Variants in MAX observed in about 807,000 individuals in gnomAD.
MAX encodes protein max.
A neutral mutation model predicts 22.3 loss-of-function variants in MAX; 3 were observed. That is an observed-to-expected ratio of 0.13 (90% CI 0.06 to 0.35). The LOEUF is 0.35. Ranked by LOEUF, MAX falls within the 10% of genes least tolerant of loss-of-function variation. The pLI, the probability that MAX is intolerant of heterozygous loss-of-function variation, is 1.00. For missense variants in MAX, 119 were observed against 209.4 expected, an observed-to-expected ratio of 0.57 and a Z score of 2.66; for synonymous variants, 72 against 77.7, an observed-to-expected ratio of 0.93 and a Z score of 0.39.
chr14:65,014,978 TAGC>T lies in MAX; in HGVS notation c.172-8697_172-8695del, dbSNP rs1470648305. Among the ~76,000 whole-genome samples the T allele has an allele frequency of 1.3e-5, 2 of 152,162 alleles. No individual in the cohort carries two copies. Among genetic ancestry groups the T allele is most frequent in the South Asian group, 2.1e-4 (1 of 4,812 alleles). ...TCTCCTTGGTTCTATACCGAGAAAATAGCAGCCCCTAACCTCCTGGCCTGTAGG... is the reference window on the plus strand; with the variant it reads ...TCTCCTTGGTTCTATACCGAGAAAATAGCCCCTAACCTCCTGGCCTGTAGG... On this transcript the variant is annotated intron_variant, in intron 3 of 3. Coordinates refer to the MAX transcript ENST00000341653. This position sits in a 1 kb window ranked among gnomAD's most constrained non-coding sequence, Gnocchi z 5.1.
upstream of MAX, chr14:65,102,632 G>A: frequency 1.7e-6 from 2 of 1,184,618 alleles, no homozygotes; most frequent in Non-Finnish European, 2.1e-6. Flanking sequence ...AGACGGCCCG[G>A]GTAGCTCCAG....
At chr14:65,040,679 T>C (rs1595076124) in intron 3 of MAX, 1 of 1,239,916 alleles carries the variant, frequency 8.1e-7, no homozygotes, top group Middle Eastern at 3.2e-4. Context: ...ATAGTTGTGA[T>C]GGTTCACACC....
rs1334500164 is a variant in MAX, at chr14:65,047,177, C to G, written c.172-40893G>C. ...GTAGCGGAGTCTTCCCAAGCCCTCA[C>G]TGTATGCCAGGGGCTGTACTGAGCA... On this transcript the variant is annotated intron_variant, in intron 3 of 3. Coordinates refer to the MAX transcript ENST00000341653. The surrounding 1 kb of genome is among the most constrained non-coding windows in gnomAD (Gnocchi z 5.2). 6.6e-6 allele frequency among the ~76,000 whole-genome samples: 1 copy of G among 152,260 alleles called. No homozygotes were observed. Among genetic ancestry groups the G allele is most frequent in the African/African-American group, 2.4e-5 (1 of 41,470 alleles).
At chr14:65,072,512 C>A (rs184359986), downstream of MAX, among the ~76,000 whole-genome samples, 1 of 152,346 alleles carries the variant, frequency 6.6e-6, no homozygotes, top group Admixed American at 6.5e-5. Context: ...CAACAGCGTC[C>A]TTTTGGTTCC....
chr14:65,052,316 CA>C (rs989876385), intron 3 of MAX, among the ~76,000 whole-genome samples: 11 of 151,980 alleles, frequency 7.2e-5, no homozygotes, highest in Non-Finnish European at 1.6e-4. Context: ...CGCATAGAAC[CA>C]AAAAGACTGG....
rs1366878056 is a variant in MAX at position 65,032,719 on chromosome 14, C to G, written c.172-26435G>C. The G allele has an allele frequency of 4.3e-6, 7 of 1,610,116 alleles. No homozygotes were observed. Among genetic ancestry groups the G allele is most frequent in the Non-Finnish European group, 4.2e-6 (5 of 1,178,704 alleles). The stretch of plus-strand genomic sequence containing the variant: ...AAGGTGAGAGAAGCCAGGGTTTCTC[C>G]TGGCCTCTTGGAGAGCAGGCGGTCA... On this transcript the variant is annotated intron_variant, in intron 3 of 3. Coordinates refer to the MAX transcript ENST00000341653. This position sits in a 1 kb window ranked among gnomAD's most constrained non-coding sequence, Gnocchi z 5.0.
At chr14:65,086,713 T>C (rs1033295508) in intron 3 of MAX, among the ~76,000 whole-genome samples, 1 of 152,208 alleles carries the variant, frequency 6.6e-6, no homozygotes, top group Non-Finnish European at 1.5e-5. Flanking sequence ...GCATAAAAGT[T>C]CAGAAAATTT....
chr14:65,067,308 C>T (rs1213264648), intron 3 of MAX, among the ~76,000 whole-genome samples: 1 of 152,172 alleles, frequency 6.6e-6, no homozygotes, highest in Non-Finnish European at 1.5e-5. Flanking sequence ...CTATTAACAT[C>T]TTCCACTAAT....
At chr14:65,068,713 C>CAT (rs202242510) in intron 3 of MAX, among the ~76,000 whole-genome samples, 2,302 of 152,276 alleles carry the variant, frequency 0.015, 28 homozygotes, top group Admixed American at 0.024. Context: ...AATAATAGTG[C>CAT]ATTTTTATCA....
In MAX at chr14:65,044,544, T is replaced by A; in HGVS notation, c.172-38260A>T. ...CTTTTTTAGAGGGGTTGAAATGAGC[T>A]CTGTCTATCCTGGATTTTGAGTGCC... is the stretch of plus-strand genomic sequence containing the variant. On this transcript the variant is annotated intron_variant, in intron 3 of 3. Transcript: ENST00000341653. This position sits in a 1 kb window ranked among gnomAD's most constrained non-coding sequence, Gnocchi z 5.5. 6.6e-7 allele frequency: 1 copy of A among 1,505,248 alleles called. No homozygotes were observed. The highest frequency in any genetic ancestry group is 8.8e-7 in the Non-Finnish European group (1 of 1,130,864). The allele number at this position is 1,505,248 out of a possible 1,614,324, so 93.2% of individuals were successfully genotyped here.
intron 3 of MAX, among the ~76,000 whole-genome samples, chr14:65,035,605 C>A (rs1235188566): frequency 6.6e-6 from 1 of 152,088 alleles, no homozygotes; most frequent in Non-Finnish European, 1.5e-5. Context: ...TCACAGCTCG[C>A]TGCAGCCACC....
At position 65,069,094 on chromosome 14, in the gene MAX, C is replaced by A. The variant is rs779631105; in HGVS notation, c.171+24614G>T. 6.6e-6 allele frequency among the ~76,000 whole-genome samples: 1 copy of A among 152,206 alleles called. No homozygotes were observed. Among genetic ancestry groups the A allele is most frequent in the Non-Finnish European group, 1.5e-5 (1 of 68,024 alleles). ...AAGTGCTAGGTGTCCATGCTCCTTGCGAGGCTCCATCCCCCCAGCCCCTCT... is the reference window on the plus strand; with the variant it reads ...AAGTGCTAGGTGTCCATGCTCCTTGAGAGGCTCCATCCCCCCAGCCCCTCT... On this transcript the variant is annotated intron_variant, in intron 3 of 3. Coordinates refer to the MAX transcript ENST00000341653. The surrounding 1 kb of genome is among the most constrained non-coding windows in gnomAD (Gnocchi z 4.6).
intron 3 of MAX, chr14:65,040,982 GACAT>G: frequency 6.3e-7 from 1 of 1,588,862 alleles, no homozygotes; most frequent in Non-Finnish European, 8.6e-7. Flanking sequence ...ATTGTACTCA[GACAT>G]GCAGGCTTCA....
chr14:65,101,625 T>C, intron 1 of MAX, 53 bp from the exon 2 acceptor site: 1 of 1,336,858 alleles, frequency 7.5e-7, no homozygotes, highest in Non-Finnish European at 1.1e-6. Flanking sequence ...ATTTTTACAC[T>C]TAACATTCAA....
intron 1 of MAX, among the ~76,000 whole-genome samples, chr14:65,102,090 C>A (rs1224313664): frequency 6.6e-6 from 1 of 152,142 alleles, no homozygotes; most frequent in Non-Finnish European, 1.5e-5. Context: ...CCAGAAGCCG[C>A]GTGTCTTCCC....
rs1466195234 is a variant in MAX, at chr14:65,009,874, C to T, written c.172-3590G>A. Among the ~76,000 whole-genome samples the T allele has an allele frequency of 6.6e-6, 1 of 152,128 alleles. No individual in the cohort carries two copies. The highest frequency in any genetic ancestry group is 2.4e-5 in the African/African-American group (1 of 41,434). On this transcript the variant is annotated intron_variant, in intron 3 of 3. Transcript: ENST00000341653. This position sits in a 1 kb window ranked among gnomAD's most constrained non-coding sequence, Gnocchi z 4.2. ...ATCACAGCGTTTATTGGACAGGGCT[C>T]TGCTTGTCATTTTCACATGTGTGTC...
intron 2 of MAX, among the ~76,000 whole-genome samples, chr14:65,095,117 C>T (rs2063624185): frequency 6.6e-6 from 1 of 152,214 alleles, no homozygotes; most frequent in Non-Finnish European, 1.5e-5. Context: ...GTTATTTAAT[C>T]CTAAAAGTCC....
At position 65,075,731 on chromosome 14, in the gene MAX, C is replaced by A; in HGVS notation, c.*745G>T. The A allele has an allele frequency of 9.4e-7, 1 of 1,066,498 alleles. No individual in the cohort carries two copies. The highest frequency in any genetic ancestry group is 1.1e-6 in the Non-Finnish European group (1 of 879,806). The allele number at this position is 1,066,498 out of a possible 1,614,324, so 66.1% of individuals were successfully genotyped here. On this transcript the variant is annotated 3_prime_UTR_variant, in exon 5 of 5. Coordinates refer to ENST00000358664, the MANE Select transcript of MAX (RefSeq NM_002382.5). This position sits in a 1 kb window ranked among gnomAD's most constrained non-coding sequence, Gnocchi z 4.1. ...CCTGTCCCAACCCCAAATGGCCACT[C>A]CCTGGTGGCTGCTGCTTCACTGCTG...
chr14:65,035,516 C>T (rs564928283), intron 3 of MAX, among the ~76,000 whole-genome samples: 1 of 151,908 alleles, frequency 6.6e-6, no homozygotes, highest in South Asian at 2.1e-4. Context: ...CTTCTTTCTT[C>T]CTCTGTCTTT....
Sources: allele counts gnomAD v4.1 joint callset (sites outside exome capture counted in the v4.1 genomes callset), GRCh38; gene constraint gnomAD v4.1.1; non-coding constraint Gnocchi (gnomAD v3.1); transcripts MANE v1.5; gene names NCBI Gene and HGNC (gene_info 2026-07-23, HGNC 2026-07-21).